CASKIN1: variants seen among roughly 807,000 people sequenced by gnomAD.
CASKIN1 encodes CASK interacting protein 1, also known as caskin-1.
In CASKIN1, 42 loss-of-function variants were observed where a neutral mutation model predicts 117.5. The ratio of observed to expected loss-of-function variants is 0.36; its 90% CI spans 0.28 to 0.46. The LOEUF (loss-of-function observed/expected upper bound fraction) is 0.46. Ranked by LOEUF, CASKIN1 falls within the 20% of genes least tolerant of loss-of-function variation. The pLI is 1.00. For missense variants in CASKIN1, 2,083 were observed against 2,077.3 expected, an observed-to-expected ratio of 1.00 and a Z score of -0.05; for synonymous variants, 1,148 against 961.7, an observed-to-expected ratio of 1.19 and a Z score of -3.59.
chr16:2,188,980 A>G, intron 6 of CASKIN1, 47 bp downstream of exon 6: 1 of 1,572,404 alleles, frequency 6.4e-7, no homozygotes, highest in Non-Finnish European at 8.6e-7. Flanking sequence ...GCTGCTGCTG[A>G]ACCCTGGGGA....
At chr16:2,195,973 T>TGGGGGGGGG (rs1023855828) in intron 1 of CASKIN1, among the ~76,000 whole-genome samples, 1 of 123,848 alleles carries the variant, frequency 8.1e-6, no homozygotes, top group Non-Finnish European at 1.7e-5. Flanking sequence ...GTGTGGTGGG[T>TGGGGGGGGG]GGGGGGGGCA....
Position 2,178,226 on chromosome 16 carries a change from T to G in CASKIN1, c.*324A>C. 2.3e-6 allele frequency: 1 copy of G among 436,928 alleles called. No individual in the cohort carries two copies. Among genetic ancestry groups the G allele is most frequent in the Middle Eastern group, 5.3e-4 (1 of 1,874 alleles). 27.1% of individuals were successfully genotyped at this position (436,928 alleles called of 1,614,324 possible). On this transcript the variant is annotated 3_prime_UTR_variant, in exon 20 of 20. Transcript: ENST00000343516. ...CTGGCCGGGCGTCCCGATGGGCAGT[T>G]CTGTGCTGGGCCCGGGCCTGTGCGC...
At chr16:2,183,495 C>T (rs565584103) in intron 16 of CASKIN1, 151 bp downstream of exon 16, 15 of 722,254 alleles carry the variant, frequency 2.1e-5, no homozygotes, top group Middle Eastern at 3.9e-4. Context: ...AGGGGCTGAT[C>T]GGGAGGCTCC....
rs1046553938 is a variant in CASKIN1, at chr16:2,177,485, G to A, written c.*1065C>T. ...CTGTGGATCAGCAAACACGATAGAG[G>A]AGACCAGTCAGTACTTCTTGGAGGG... On this transcript the variant is annotated 3_prime_UTR_variant, in exon 20 of 20. Coordinates refer to ENST00000343516, the MANE Select transcript of CASKIN1 (RefSeq NM_020764.4). The A allele has an allele frequency of 5.1e-5, 12 of 233,486 alleles. No individual in the cohort carries two copies. The highest frequency in any genetic ancestry group is 2.2e-4 in the African/African-American group (10 of 45,258). 14.5% of individuals were successfully genotyped at this position (233,486 alleles called of 1,614,324 possible).
chr16:2,188,498 G>A (rs557227598), intron 6 of CASKIN1, among the ~76,000 whole-genome samples: 18 of 151,896 alleles, frequency 1.2e-4, no homozygotes, highest in Admixed American at 2.6e-4. Flanking sequence ...CTACAGGTGT[G>A]TGCCAACACA....
At position 2,179,262 on chromosome 16, in the gene CASKIN1, G is replaced by C. The variant is rs779498745; in HGVS notation, c.3839C>G (p.Ala1280Gly). Residue 1280 changes from alanine to glycine, a missense_variant, in exon 19 of 20, where the codon GCG becomes GGG. Coordinates refer to ENST00000343516, the MANE Select transcript of CASKIN1 (RefSeq NM_020764.4). The surrounding 1 kb of genome is among the most constrained non-coding windows in gnomAD (Gnocchi z 5.8). The part of the protein sequence containing the change: ...VSPKPPPPPT[A>G]PKPVKAVAGL... ...CGCGACCGCCTTGACGGGCTTGGGC[G>C]CTGTGGGCGGCGGCGGCGGCTTGGG... 73 of 1,212,732 alleles carry C rather than the reference G, an allele frequency of 6.0e-5. No individual in the cohort carries two copies. Among genetic ancestry groups the C allele is most frequent in the Non-Finnish European group, 7.3e-5 (71 of 976,254 alleles). 75.1% of individuals were successfully genotyped at this position (1,212,732 alleles called of 1,614,324 possible). A position where few individuals can be genotyped will look rare whatever the true frequency, so the allele number is the denominator to read the frequency against.
At position 2,179,274 on chromosome 16, in the gene CASKIN1, G is replaced by A; in HGVS notation, c.3827C>T (p.Pro1276Leu). Residue 1276 changes from proline to leucine, a missense_variant, in exon 19 of 20, where the codon CCG becomes CTG. Coordinates refer to ENST00000343516, the MANE Select transcript of CASKIN1 (RefSeq NM_020764.4). This position sits in a 1 kb window ranked among gnomAD's most constrained non-coding sequence, Gnocchi z 5.8. ...GACGGGCTTGGGCGCTGTGGGCGGC[G>A]GCGGCGGCTTGGGAGACACGGGCGG... ...TPPPVSPKPP[P>L]PPTAPKPVKA... 6 of 1,217,290 alleles carry A rather than the reference G, an allele frequency of 4.9e-6. No homozygotes were observed. Among genetic ancestry groups the A allele is most frequent in the Non-Finnish European group, 6.1e-6 (6 of 979,226 alleles). The allele number at this position is 1,217,290 out of a possible 1,614,324, so 75.4% of individuals were successfully genotyped here.
At position 2,189,511 on chromosome 16, in the gene CASKIN1, G is replaced by A; in HGVS notation, c.298C>T (p.Leu100=). The A allele has an allele frequency of 6.2e-7, 1 of 1,611,992 alleles. No homozygotes were observed. The highest frequency in any genetic ancestry group is 1.1e-5 in the South Asian group (1 of 91,064). Residue 100 remains leucine (L), a synonymous_variant, in exon 4 of 20, where the codon CTG becomes TTG. Coordinates refer to ENST00000343516, the MANE Select transcript of CASKIN1 (RefSeq NM_020764.4). The stretch of plus-strand genomic sequence containing the variant: ...ACGGCCGAGCCCGCCTTCAGCACCA[G>A]CTTCATGGGCTCCTTCCGGCCCTGC... ...AWQGRKEPMK[L]VLKAGSAVNI...
rs1187855730 is a variant in CASKIN1, at chr16:2,182,316, C to T, written c.1630-387G>A. On this transcript the variant is annotated intron_variant, in intron 16 of 19. Transcript: ENST00000343516. This position sits in a 1 kb window ranked among gnomAD's most constrained non-coding sequence, Gnocchi z 4.1. Reference sequence around the variant, plus strand: ...GAACACGCACATGATTTGCACGCTGCGCTCCCAGCCGTGCACAGGCACCAG... The same window carrying T: ...GAACACGCACATGATTTGCACGCTGTGCTCCCAGCCGTGCACAGGCACCAG... Among the ~76,000 whole-genome samples, 1 of 152,074 alleles carries T rather than the reference C, an allele frequency of 6.6e-6. No individual in the cohort carries two copies. Among genetic ancestry groups the T allele is most frequent in the Non-Finnish European group, 1.5e-5 (1 of 68,006 alleles).
Position 2,177,809 on chromosome 16 carries a change from T to A in CASKIN1, c.*741A>T. Reference sequence around the variant, plus strand: ...CCGAGAGCAAGGCACAACCTCGAGTTCTTGGGGCGCAGAGAACTTAGGAGA... The same window carrying A: ...CCGAGAGCAAGGCACAACCTCGAGTACTTGGGGCGCAGAGAACTTAGGAGA... On this transcript the variant is annotated 3_prime_UTR_variant, in exon 20 of 20. Transcript: ENST00000343516. 1 of 239,934 alleles carries A rather than the reference T, an allele frequency of 4.2e-6. No homozygotes were observed. The highest frequency in any genetic ancestry group is 8.2e-6 in the Non-Finnish European group (1 of 121,580). The allele number at this position is 239,934 out of a possible 1,614,324, so 14.9% of individuals were successfully genotyped here.
Position 2,182,072 on chromosome 16 carries a change from C to G in CASKIN1, c.1630-143G>C. The G allele has an allele frequency of 1.7e-6, 2 of 1,177,162 alleles. No homozygotes were observed. The highest frequency in any genetic ancestry group is 2.4e-6 in the Non-Finnish European group (2 of 832,514). 72.9% of individuals were successfully genotyped at this position (1,177,162 alleles called of 1,614,324 possible). On this transcript the variant is annotated intron_variant, in intron 16 of 19. Transcript: ENST00000343516. The surrounding 1 kb of genome is among the most constrained non-coding windows in gnomAD (Gnocchi z 4.1). ...AAACGGATAGGCCGAGGTATTGGCA[C>G]CAGAAATGTAGGCAGAGCCTCGGCT...
chr16:2,183,797 C>G (rs997523237), intron 15 of CASKIN1, 34 bp downstream of exon 15: 8 of 1,611,418 alleles, frequency 5.0e-6, no homozygotes, highest in Non-Finnish European at 6.8e-6. Flanking sequence ...ATCTGTGGGA[C>G]GCAGCTGGCG....
rs577037688 is a variant in CASKIN1 at position 2,185,830 on chromosome 16, G to A, written c.1049-422C>T. ...GTAAACGGGCCCCTGGTCCCTTGCA[G>A]CTGCCACATGGGGCTTCACAGCCTG... On this transcript the variant is annotated intron_variant, in intron 10 of 19. Coordinates refer to ENST00000343516, the MANE Select transcript of CASKIN1 (RefSeq NM_020764.4). Among the ~76,000 whole-genome samples the A allele has an allele frequency of 1.1e-3, 172 of 152,352 alleles. 1 individual carries two copies. The highest frequency in any genetic ancestry group is 3.9e-3 in the African/African-American group (164 of 41,592).
At position 2,180,027 on chromosome 16, in the gene CASKIN1, G is replaced by A. The variant is rs2093161625; in HGVS notation, c.3341C>T (p.Pro1114Leu). The part of the protein sequence containing the change: ...SKGEAGVEGP[P>L]LAKVEASATL... Reference sequence around the variant, plus strand: ...GGCGCTGGCTTCCACCTTGGCCAAGGGCGGGCCTTCGACACCCGCCTCGCC... The same window carrying A: ...GGCGCTGGCTTCCACCTTGGCCAAGAGCGGGCCTTCGACACCCGCCTCGCC... Residue 1114 changes from proline (P) to leucine (L), a missense_variant, in exon 18 of 20, where the codon CCC (proline) becomes CTC (leucine). Pro to Leu is a moderately conservative substitution (Grantham distance 98). Transcript: ENST00000343516. 6 of 1,590,802 alleles carry A rather than the reference G, an allele frequency of 3.8e-6. No homozygotes were observed. In the Admixed American group the frequency reaches 6.9e-5, roughly 18 times the overall value.
chr16:2,179,450 T>C lies in CASKIN1; in HGVS notation c.3776-125A>G. On this transcript the variant is annotated intron_variant, in intron 18 of 19. Coordinates refer to ENST00000343516, the MANE Select transcript of CASKIN1 (RefSeq NM_020764.4). The surrounding 1 kb of genome is among the most constrained non-coding windows in gnomAD (Gnocchi z 5.8). ...ACCCTGCTCACCTTGCCCCCAGCCC[T>C]GGATGGATGAGAGGGTCTGGGGACA... 1 of 1,382,428 alleles carries C rather than the reference T, an allele frequency of 7.2e-7. No homozygotes were observed. The highest frequency in any genetic ancestry group is 9.3e-7 in the Non-Finnish European group (1 of 1,074,088). The allele number at this position is 1,382,428 out of a possible 1,614,324, so 85.6% of individuals were successfully genotyped here. A position where few individuals can be genotyped will look rare whatever the true frequency, so the allele number is the denominator to read the frequency against.
In CASKIN1 at chr16:2,180,546, CG is replaced by C; in HGVS notation, c.2821del (p.Arg941GlufsTer61). On this transcript the variant is annotated frameshift_variant, in exon 18 of 20. Transcript: ENST00000343516. LOFTEE classifies it high-confidence loss of function. The part of the protein sequence containing the change: ...NRSQSFAVRP[R>X]KKGPPPPPPK... ...TGGGGGCGGCGGGGGCCCCTTCTTTCGGGGCCGCACGGCAAAGGACTGGCTG... is the reference window on the plus strand; with the variant it reads ...TGGGGGCGGCGGGGGCCCCTTCTTTCGGGCCGCACGGCAAAGGACTGGCTG... 1.3e-6 allele frequency: 2 copies of C among 1,545,220 alleles called. No individual in the cohort carries two copies. The highest frequency in any genetic ancestry group is 8.7e-7 in the Non-Finnish European group (1 of 1,151,948).
At chr16:2,193,362 A>C (rs111587385) in intron 1 of CASKIN1, among the ~76,000 whole-genome samples, 8 of 152,156 alleles carry the variant, frequency 5.3e-5, no homozygotes, top group Admixed American at 1.3e-4. Flanking sequence ...TACATTTTGC[A>C]TGGGGACCTG....
intron 10 of CASKIN1, among the ~76,000 whole-genome samples, chr16:2,185,638 T>G (rs1017675960): frequency 1.3e-5 from 2 of 152,220 alleles, no homozygotes; most frequent in Non-Finnish European, 2.9e-5. Flanking sequence ...TGGGGTCCTG[T>G]GGGCAGGGGG....
Position 2,187,325 on chromosome 16 carries a change from GC to G in CASKIN1, c.726+27del, listed in dbSNP as rs771456302. On this transcript the variant is annotated intron_variant, in intron 7 of 19. Coordinates refer to ENST00000343516, the MANE Select transcript of CASKIN1 (RefSeq NM_020764.4). ...GTCAGGAGCCCCTACAGTCCACTGG[GC>G]CCAGCGCCCCTGGGCCCCACACTCA... The G allele has an allele frequency of 5.0e-6, 8 of 1,612,932 alleles. No individual in the cohort carries two copies. The Admixed American group carries it at 1.0e-4, about 20-fold the overall frequency.
Sources: gnomAD v4.1 joint callset for allele counts (sites outside exome capture counted in the v4.1 genomes callset) on GRCh38, gnomAD v4.1.1 for gene constraint, Gnocchi (gnomAD v3.1) non-coding constraint, MANE v1.5 for transcripts, NCBI Gene and HGNC (gene_info 2026-07-23, HGNC 2026-07-21) for gene names.